Variants in ADAMTS13 observed in about 807,000 individuals in gnomAD.
ADAMTS13 encodes ADAM metallopeptidase with thrombospondin type 1 motif 13, also known as A disintegrin and metalloproteinase with thrombospondin motifs 13.
ADAMTS13 carries 110 observed loss-of-function variants against 155.1 expected under a neutral mutation model. That is an observed-to-expected ratio of 0.71 (90% CI 0.61 to 0.83). The LOEUF (loss-of-function observed/expected upper bound fraction) is 0.83. Among genes scored for constraint, ADAMTS13 ranks in the 40% least tolerant of loss-of-function variants. The pLI is 0.00. For synonymous variants in ADAMTS13, 758 were observed against 756.4 expected (o/e 1.00, Z -0.03); for missense variants, 1,707 against 1,891.7 (o/e 0.90, Z 1.81).
In ADAMTS13 at chr9:133,443,429, G is replaced by T. The variant is rs781804540; in HGVS notation, c.2288G>T (p.Arg763Leu). ...AGCGCCTCCTGTGGGGGTGGCCTGC[G>T]GGAGCGGCCAGTGCGCTGCGTGGAG... ...PCSASCGGGL[R>L]ERPVRCVEAQ... Residue 763 changes from arginine to leucine, a missense_variant, in exon 19 of 29, where the codon CGG (arginine) becomes CTG (leucine). Physicochemically the swap from Arg to Leu is moderately radical, Grantham distance 102. Coordinates refer to ENST00000355699, the MANE Select transcript of ADAMTS13 (RefSeq NM_139027.6). The T allele has an allele frequency of 1.9e-6, 3 of 1,596,804 alleles. No individual in the cohort carries two copies. The highest frequency in any genetic ancestry group is 1.8e-4 in the Middle Eastern group (1 of 5,660).
Position 133,449,863 on chromosome 9 carries a change from A to G in ADAMTS13, c.2942A>G (p.His981Arg), listed in dbSNP as rs782009471. Residue 981 changes from histidine (H) to arginine (R), a missense_variant, in exon 23 of 29, where the codon CAT becomes CGT. Coordinates refer to ENST00000355699, the MANE Select transcript of ADAMTS13 (RefSeq NM_139027.6). ...AGGATCCTGTATTGTGCCCGGGCCC[A>G]TGGGGAGGACGATGGTGAGGAGATC... The part of the protein sequence containing the change: ...VRRILYCARA[H>R]GEDDGEEILL... 3.1e-6 allele frequency: 5 copies of G among 1,613,888 alleles called. No homozygotes were observed. The highest frequency in any genetic ancestry group is 4.2e-6 in the Non-Finnish European group (5 of 1,180,010).
Position 133,422,448 on chromosome 9 carries a change from A to G in ADAMTS13, c.5A>G (p.His2Arg). 6.2e-7 allele frequency: 1 copy of G among 1,613,490 alleles called. No homozygotes were observed. The highest frequency in any genetic ancestry group is 8.5e-7 in the Non-Finnish European group (1 of 1,179,966). M[H>R]QRHPRARCPP... ...CTCGGGCTGGCTCTCCTGAGGATGC[A>G]CCAGCGTCACCCCCGGGCAAGATGC... Residue 2 changes from histidine (H) to arginine (R), a missense_variant, in exon 1 of 29, where the codon CAC becomes CGC. Physicochemically the swap from His to Arg is conservative, Grantham distance 29. Around this residue, in one of 3 missense-constraint regions of ADAMTS13, gnomAD observed 733 missense variants for 749.6 expected, o/e 0.98. Transcript: ENST00000355699.
upstream of ADAMTS13, among the ~76,000 whole-genome samples, chr9:133,421,158 A>G (rs1033219483): frequency 1.3e-5 from 2 of 152,186 alleles, no homozygotes; most frequent in African/African-American, 4.8e-5. Context: ...CCCAGCCACA[A>G]GGGAGGCTGA....
At chr9:133,455,895 T>C (rs1588209032) in intron 25 of ADAMTS13, 174 bp from the exon 26 acceptor site, 1 of 859,438 alleles carries the variant, frequency 1.2e-6, no homozygotes, top group South Asian at 1.5e-5. Context: ...GCCCTGAGGG[T>C]GATGCTCTGA....
At chr9:133,430,155 C>G in intron 8 of ADAMTS13, 54 bp downstream of exon 8, 1 of 1,541,778 alleles carries the variant, frequency 6.5e-7, no homozygotes. Context: ...CCGCATCACC[C>G]AGCTCACGTC....
At chr9:133,438,876 A>G (rs975940020) in intron 14 of ADAMTS13, among the ~76,000 whole-genome samples, 3 of 144,856 alleles carry the variant, frequency 2.1e-5, no homozygotes, top group African/African-American at 7.7e-5. Context: ...ATCCCTCTGC[A>G]CTCCAGCCCG....
chr9:133,453,164 C>T (rs954497898), intron 23 of ADAMTS13, among the ~76,000 whole-genome samples: 4 of 152,040 alleles, frequency 2.6e-5, no homozygotes, highest in African/African-American at 4.8e-5. Context: ...TGGCTGTGCG[C>T]GGTGGCTTAT....
chr9:133,456,099 C>T lies in ADAMTS13; in HGVS notation c.3431C>T (p.Thr1144Ile). The change falls in exon 26 of 29, where the codon ACA (threonine) becomes ATA (isoleucine). Residue 1144 changes from threonine to isoleucine, a missense_variant. Around this residue, in one of 3 missense-constraint regions of ADAMTS13, gnomAD observed 961 missense variants for 1,107.9 expected, o/e 0.87. Transcript: ENST00000355699. The surrounding 1 kb of genome is among the most constrained non-coding windows in gnomAD (Gnocchi z 4.4). ...GACGRQHLEPTGTIDMRGPGQ... is the reference protein window; with the variant it reads ...GACGRQHLEPIGTIDMRGPGQ... ...TGTGGCAGGCAGCACCTTGAGCCAA[C>T]AGGAACCATTGACATGCGAGGCCCA... is the stretch of plus-strand genomic sequence containing the variant. 1 of 1,613,320 alleles carries T rather than the reference C, an allele frequency of 6.2e-7. No individual in the cohort carries two copies. The highest frequency in any genetic ancestry group is 1.6e-4 in the Middle Eastern group (1 of 6,062).
Position 133,433,641 on chromosome 9 carries a change from A to G in ADAMTS13, c.1245A>G (p.Arg415=), listed in dbSNP as rs1260570041. 2 of 1,613,652 alleles carry G rather than the reference A, an allele frequency of 1.2e-6. No homozygotes were observed. Among genetic ancestry groups the G allele is most frequent in the Admixed American group, 3.3e-5 (2 of 59,978 alleles). ...CCTCCTGTCTGCTGGGCATTTTCAGACCTGCCTTTGGGGGGCGTGCATGTG... is the reference window on the plus strand; with the variant it reads ...CCTCCTGTCTGCTGGGCATTTTCAGGCCTGCCTTTGGGGGGCGTGCATGTG... ...VTRRRQCNNP[R]PAFGGRACVG... The change falls in exon 11 of 29, where the codon AGA becomes AGG. Residue 415 remains arginine, a splice_region_variant and synonymous_variant. Transcript: ENST00000355699.
upstream of ADAMTS13, chr9:133,417,952 C>T (rs371857918): frequency 8.8e-5 from 90 of 1,025,376 alleles, no homozygotes; most frequent in African/African-American, 1.1e-3. Context: ...GAAACACACC[C>T]ACCGCAGGGA....
rs782023857 is a variant in ADAMTS13 at position 133,424,950 on chromosome 9, C to T, written c.330+472C>T. Among the ~76,000 whole-genome samples the T allele has an allele frequency of 1.3e-5, 2 of 152,216 alleles. No homozygotes were observed. Among genetic ancestry groups the T allele is most frequent in the African/African-American group, 2.4e-5 (1 of 41,462 alleles). ...GCCCACCTTCATTTCTTGCTAGCAC[C>T]TGAATCCCTGCAGCCCCCCTTCACT... On this transcript the variant is annotated intron_variant, in intron 3 of 28. Coordinates refer to ENST00000355699, the MANE Select transcript of ADAMTS13 (RefSeq NM_139027.6). The surrounding 1 kb of genome is among the most constrained non-coding windows in gnomAD (Gnocchi z 4.3).
At chr9:133,444,275 C>T (rs1841907227) in intron 19 of ADAMTS13, among the ~76,000 whole-genome samples, 1 of 152,176 alleles carries the variant, frequency 6.6e-6, no homozygotes, top group Non-Finnish European at 1.5e-5. Context: ...TTCTCTGCAC[C>T]TGCTATGGTG....
chr9:133,421,756 G>A (rs967664907), upstream of ADAMTS13, among the ~76,000 whole-genome samples: 4 of 152,150 alleles, frequency 2.6e-5, no homozygotes, highest in African/African-American at 7.2e-5. Context: ...CTCCCTGATC[G>A]CAGAGGAGGA....
intron 19 of ADAMTS13, among the ~76,000 whole-genome samples, chr9:133,444,481 A>T (rs2130886707): frequency 6.6e-6 from 1 of 151,768 alleles, no homozygotes; most frequent in East Asian, 1.9e-4. Context: ...TAATTTTTGT[A>T]TTTTTTGTAG....
intron 1 of ADAMTS13, chr9:133,414,650 G>A (rs1015638517): frequency 6.8e-6 from 11 of 1,611,978 alleles, no homozygotes; most frequent in Non-Finnish European, 9.3e-6. Flanking sequence ...CAGTGGTGAG[G>A]TGGCCCATAC....
Position 133,459,091 on chromosome 9 carries a change from G to A in ADAMTS13, c.4027G>A (p.Ala1343Thr). The part of the protein sequence containing the change: ...EFSEGFLKAQ[A>T]SLRGQYWTLQ... ...CAGCGAGGGCTTCCTGAAGGCTCAG[G>A]CCAGCCTGCGGGGCCAGTACTGGAC... The change falls in exon 29 of 29, where the codon GCC (alanine) becomes ACC (threonine). Residue 1343 changes from alanine to threonine, a missense_variant. This residue lies in a region of ADAMTS13 where 961 missense variants were observed against 1,107.9 expected (regional missense o/e 0.87). Transcript: ENST00000355699. 1.2e-6 allele frequency: 2 copies of A among 1,612,874 alleles called. No individual in the cohort carries two copies. Among genetic ancestry groups the A allele is most frequent in the Non-Finnish European group, 1.7e-6 (2 of 1,179,928 alleles).
chr9:133,440,559 GC>G lies in ADAMTS13; in HGVS notation c.1968+35del. 1 of 1,555,240 alleles carries G rather than the reference GC, an allele frequency of 6.4e-7. No individual in the cohort carries two copies. Among genetic ancestry groups the G allele is most frequent in the Non-Finnish European group, 8.7e-7 (1 of 1,146,988 alleles). ...GAGAGCCTGGGGGAGGCCAGTGGGG[GC>G]TTCTTCTTGGGGGCTATGGCTGCTT... On this transcript the variant is annotated intron_variant, in intron 16 of 28. Coordinates refer to ENST00000355699, the MANE Select transcript of ADAMTS13 (RefSeq NM_139027.6). This position sits in a 1 kb window ranked among gnomAD's most constrained non-coding sequence, Gnocchi z 4.3.
chr9:133,445,005 G>A lies in ADAMTS13; in HGVS notation c.2563G>A (p.Ala855Thr). Residue 855 changes from alanine (A) to threonine (T), a missense_variant, in exon 20 of 29, where the codon GCC (alanine) becomes ACC (threonine). Coordinates refer to ENST00000355699, the MANE Select transcript of ADAMTS13 (RefSeq NM_139027.6). This position sits in a 1 kb window ranked among gnomAD's most constrained non-coding sequence, Gnocchi z 5.0. ...GPGSVDEKLP[A>T]PEPCVGMSCP... ...TGGCTCCGTAGATGAGAAGCTGCCT[G>A]CCCCTGAGCCCTGTGTCGGGATGTC... The A allele has an allele frequency of 6.2e-7, 1 of 1,613,516 alleles. No homozygotes were observed. The highest frequency in any genetic ancestry group is 1.7e-5 in the Admixed American group (1 of 60,028).
chr9:133,417,950 C>T (rs1839776713), upstream of ADAMTS13: 5 of 1,058,442 alleles, frequency 4.7e-6, no homozygotes, highest in South Asian at 6.3e-5. Context: ...CCGAAACACA[C>T]CCACCGCAGG....
Sources: allele counts gnomAD v4.1 joint callset (sites outside exome capture counted in the v4.1 genomes callset), GRCh38; gene constraint gnomAD v4.1.1; regional missense constraint gnomAD v4.1.1; non-coding constraint Gnocchi (gnomAD v3.1); transcripts MANE v1.5; gene names NCBI Gene and HGNC (gene_info 2026-07-23, HGNC 2026-07-21).